Variants in EYS observed in about 807,000 individuals in gnomAD.
EYS encodes EGF-like photoreceptor maintenance factor.
A neutral mutation model predicts 282.1 loss-of-function variants in EYS; 250 were observed. The observed-to-expected ratio is 0.89, with a 90% CI of 0.80 to 0.98. The LOEUF (loss-of-function observed/expected upper bound fraction) is 0.98. Among genes scored for constraint, EYS ranks in the 50% least tolerant of loss-of-function variants. EYS has a pLI of 0.00. For missense variants in EYS, 4,016 were observed against 3,709.0 expected (o/e 1.08, Z -2.15); for synonymous variants, 1,355 against 1,282.9 (o/e 1.06, Z -1.20).
At chr6:64,998,575 T>C (rs1233253058) in intron 13 of EYS, among the ~76,000 whole-genome samples, 2 of 152,182 alleles carry the variant, frequency 1.3e-5, no homozygotes, top group East Asian at 1.9e-4. Flanking sequence ...AGGGCAGTCA[T>C]AGACATCAAC....
chr6:64,841,485 A>G (rs1252195063), intron 19 of EYS, among the ~76,000 whole-genome samples: 5 of 152,270 alleles, frequency 3.3e-5, no homozygotes, highest in Non-Finnish European at 7.4e-5. Context: ...GTGCCAGGAA[A>G]TGTAGTTGAT....
chr6:65,509,505 A>G (rs1474857458), intron 2 of EYS, among the ~76,000 whole-genome samples: 2 of 152,104 alleles, frequency 1.3e-5, no homozygotes, highest in African/African-American at 4.8e-5. Context: ...CCACCTTCAT[A>G]TCTTCTTTGG....
intron 14 of EYS, among the ~76,000 whole-genome samples, chr6:64,994,354 G>T (rs1771176609): frequency 6.6e-6 from 1 of 151,910 alleles, no homozygotes; most frequent in African/African-American, 2.4e-5. Context: ...TCATGATGCT[G>T]CAATACAATC....
At chr6:65,326,061 T>C (rs1769609773) in intron 11 of EYS, among the ~76,000 whole-genome samples, 2 of 152,108 alleles carry the variant, frequency 1.3e-5, no homozygotes, top group African/African-American at 4.8e-5. Flanking sequence ...ATGCACTACA[T>C]TGGCTATATT....
intron 2 of EYS, among the ~76,000 whole-genome samples, chr6:65,496,674 G>A (rs955101281): frequency 6.6e-6 from 1 of 152,048 alleles, no homozygotes; most frequent in East Asian, 1.9e-4. Context: ...AAACATATAT[G>A]AGTCACTCAA....
chr6:65,609,577 A>T (rs1205417388), intron 2 of EYS, among the ~76,000 whole-genome samples: 1 of 152,000 alleles, frequency 6.6e-6, no homozygotes, highest in Non-Finnish European at 1.5e-5. Context: ...TTATTGCATT[A>T]TCTCACATTT....
At chr6:64,898,700 AG>A (rs376178084) in intron 18 of EYS, among the ~76,000 whole-genome samples, 56 of 150,792 alleles carry the variant, frequency 3.7e-4, no homozygotes, top group African/African-American at 1.3e-3. Flanking sequence ...TGCTGTATTC[AG>A]GAGATGCATC....
intron 31 of EYS, among the ~76,000 whole-genome samples, chr6:64,139,752 C>T (rs1383893085): frequency 2.0e-5 from 3 of 151,932 alleles, no homozygotes; most frequent in African/African-American, 4.8e-5. Flanking sequence ...GGAAGGATCA[C>T]GAAGTCAGGA....
intron 26 of EYS, among the ~76,000 whole-genome samples, chr6:64,461,216 C>CT (rs368210506): frequency 1.7e-4 from 26 of 152,124 alleles, no homozygotes; most frequent in Admixed American, 1.3e-3. Context: ...TTTAGTATGC[C>CT]TTTTGGTTAT....
chr6:65,696,066 C>A (rs1769445027), intron 1 of EYS, among the ~76,000 whole-genome samples: 2 of 151,922 alleles, frequency 1.3e-5, no homozygotes, highest in Admixed American at 1.3e-4. Flanking sequence ...TAATAGGTCT[C>A]TTTCCTACTC....
chr6:65,147,889 G>A (rs1373217258), intron 12 of EYS, among the ~76,000 whole-genome samples: 1 of 152,068 alleles, frequency 6.6e-6, no homozygotes, highest in Non-Finnish European at 1.5e-5. Context: ...GGACAGAGAA[G>A]TGTTAGAAGG....
chr6:65,065,338 CA>C (rs763048240), intron 12 of EYS, among the ~76,000 whole-genome samples: 5 of 151,294 alleles, frequency 3.3e-5, no homozygotes, highest in Non-Finnish European at 7.4e-5. Context: ...TGTTGAAAAA[CA>C]AATCAAAGGA....
At position 64,901,363 on chromosome 6, in the gene EYS, C is replaced by A. The variant is rs951128463; in HGVS notation, c.2846+750G>T. 2.7e-5 allele frequency among the ~76,000 whole-genome samples: 4 copies of A among 148,036 alleles called. No homozygotes were observed. In the South Asian group the frequency reaches 8.5e-4, roughly 31 times the overall value. ...TTTCTAAAAAGGCAAAATTAATCATCTCAAAATGTACATAAAATTGTTAAA... is the reference window on the plus strand; with the variant it reads ...TTTCTAAAAAGGCAAAATTAATCATATCAAAATGTACATAAAATTGTTAAA... On this transcript the variant is annotated intron_variant, in intron 18 of 42. Coordinates refer to ENST00000503581, the MANE Select transcript of EYS (RefSeq NM_001142800.2).
At chr6:64,493,321 A>T (rs1776791667) in intron 26 of EYS, among the ~76,000 whole-genome samples, 1 of 151,496 alleles carries the variant, frequency 6.6e-6, no homozygotes. Context: ...TCCAGAGCCC[A>T]TAAAAAGGGA....
At chr6:64,364,418 A>C (rs972545877) in intron 29 of EYS, among the ~76,000 whole-genome samples, 1 of 151,992 alleles carries the variant, frequency 6.6e-6, no homozygotes, top group Non-Finnish European at 1.5e-5. Context: ...CATTATGAAT[A>C]TAGCATACAT....
At chr6:63,830,850 A>T (rs1489617244) in intron 36 of EYS, among the ~76,000 whole-genome samples, 1 of 152,244 alleles carries the variant, frequency 6.6e-6, no homozygotes, top group Non-Finnish European at 1.5e-5. Context: ...GAAGCCCATC[A>T]GAGTAACAGC....
chr6:63,751,448 T>A (rs16894548), intron 41 of EYS, among the ~76,000 whole-genome samples: 3,089 of 152,316 alleles, frequency 0.02, 101 homozygotes, highest in African/African-American at 0.068. Flanking sequence ...TGCCTTTTGG[T>A]CTATGGATAA....
intron 26 of EYS, among the ~76,000 whole-genome samples, chr6:64,516,288 C>A (rs1048432460): frequency 2.0e-5 from 3 of 150,808 alleles, no homozygotes; most frequent in Non-Finnish European, 4.4e-5. Flanking sequence ...CACACTGGAC[C>A]TTTTTTGGAG....
At chr6:63,792,374 G>T (rs114007880) in intron 37 of EYS, among the ~76,000 whole-genome samples, 1,806 of 152,162 alleles carry the variant, frequency 0.012, 32 homozygotes, top group African/African-American at 0.042. Context: ...AGGAAGAAAA[G>T]CAGTTTACTG....
Sources: allele counts gnomAD v4.1 joint callset (sites outside exome capture counted in the v4.1 genomes callset), GRCh38; gene constraint gnomAD v4.1.1; transcripts MANE v1.5; gene names NCBI Gene and HGNC (gene_info 2026-07-23, HGNC 2026-07-21).